Variants in ASPH observed in about 807,000 individuals in gnomAD.
The protein encoded by ASPH is aspartate beta-hydroxylase.
A neutral mutation model predicts 118.4 loss-of-function variants in ASPH; 100 were observed. That is an observed-to-expected ratio of 0.84 (90% confidence interval 0.72 to 1.00). ASPH has a LOEUF of 1.00. Ranked by LOEUF, ASPH falls within the 50% of genes least tolerant of loss-of-function variation. ASPH has a pLI of 0.00. For synonymous variants in ASPH, 315 were observed against 325.6 expected (o/e 0.97, Z 0.35); for missense variants, 920 against 919.5 (o/e 1.00, Z -0.01).
intron 13 of ASPH, chr8:61,632,078 G>T (rs1390535532): frequency 6.6e-6 from 1 of 152,100 alleles, no homozygotes; most frequent in Non-Finnish European, 1.5e-5. Context: ...AATAGTCATA[G>T]CCAAAACTTA....
intron 13 of ASPH, among the ~76,000 whole-genome samples, chr8:61,621,771 A>G (rs891621423): frequency 6.6e-6 from 1 of 152,266 alleles, no homozygotes; most frequent in African/African-American, 2.4e-5. Flanking sequence ...CACACTCTAT[A>G]TCCCAGTAAT....
intron 24 of ASPH, among the ~76,000 whole-genome samples, chr8:61,512,833 A>T (rs1212445393): frequency 6.6e-6 from 1 of 152,232 alleles, no homozygotes; most frequent in Non-Finnish European, 1.5e-5. Context: ...TCATCAATAC[A>T]CATATATAGA....
intron 13 of ASPH, chr8:61,626,189 T>C (rs1373584716): frequency 1.4e-6 from 2 of 1,406,820 alleles, no homozygotes; most frequent in Non-Finnish European, 1.9e-6. Flanking sequence ...CAGTAATTGC[T>C]TCACAAGATC....
chr8:61,518,831 G>A (rs958784194), intron 22 of ASPH, among the ~76,000 whole-genome samples: 10 of 152,106 alleles, frequency 6.6e-5, no homozygotes, highest in East Asian at 5.8e-4. Flanking sequence ...TCTTGGCAGC[G>A]TGTCCATCAT....
intron 12 of ASPH, among the ~76,000 whole-genome samples, chr8:61,637,230 C>A (rs770106807): frequency 6.6e-5 from 10 of 152,080 alleles, no homozygotes; most frequent in Non-Finnish European, 1.2e-4. Context: ...CACGCAGAGT[C>A]ACCCACAGGT....
chr8:61,652,586 C>A (rs953493531), intron 4 of ASPH, among the ~76,000 whole-genome samples: 13 of 152,082 alleles, frequency 8.5e-5, no homozygotes, highest in Admixed American at 7.2e-4. Flanking sequence ...CTTTCAAAAT[C>A]GTGGCTGTTG....
chr8:61,692,737 G>C (rs976926272), intron 1 of ASPH, among the ~76,000 whole-genome samples: 2 of 152,046 alleles, frequency 1.3e-5, no homozygotes, highest in African/African-American at 4.8e-5. Flanking sequence ...ACATGATGCC[G>C]ACCTTAACCC....
chr8:61,602,372 A>G (rs1253622891), intron 14 of ASPH, among the ~76,000 whole-genome samples: 1 of 151,514 alleles, frequency 6.6e-6, no homozygotes, highest in East Asian at 1.9e-4. Flanking sequence ...TCATTAGACA[A>G]TAGAACAGCC....
At chr8:61,564,155 T>C (rs1481706923) in intron 17 of ASPH, among the ~76,000 whole-genome samples, 2 of 152,000 alleles carry the variant, frequency 1.3e-5, no homozygotes, top group Non-Finnish European at 2.9e-5. Context: ...GCTAGTTTAA[T>C]GCATCCTTTT....
intron 14 of ASPH, among the ~76,000 whole-genome samples, chr8:61,600,723 A>G (rs1843737426): frequency 6.6e-6 from 1 of 151,538 alleles, no homozygotes. Context: ...AACATACAGC[A>G]AGATAATAGA....
Position 61,642,900 on chromosome 8 carries a change from A to G in ASPH, c.778T>C (p.Tyr260His). 1 of 1,557,576 alleles carries G rather than the reference A, an allele frequency of 6.4e-7. No individual in the cohort carries two copies. The highest frequency in any genetic ancestry group is 8.6e-7 in the Non-Finnish European group (1 of 1,160,714). The change falls in exon 10 of 25, where the codon TAT (tyrosine) becomes CAT (histidine). Residue 260 changes from tyrosine to histidine, a missense_variant. Tyr to His is a moderately conservative substitution (Grantham distance 83, BLOSUM62 2). Transcript: ENST00000379454. ...HDTDDVTYQVYEEQAVYEPLE... is the reference protein window; with the variant it reads ...HDTDDVTYQVHEEQAVYEPLE... ...AGCATTTGCAAACCTTGTTCCTCAT[A>G]GACTTGGTATGTTACATCATCTGAA...
chr8:61,600,322 G>T (rs1475959099), intron 14 of ASPH, among the ~76,000 whole-genome samples: 1 of 147,550 alleles, frequency 6.8e-6, no homozygotes, highest in Non-Finnish European at 1.5e-5. Context: ...ACTGAAATAA[G>T]AAAAAGGTGT....
At chr8:61,634,765 A>T (rs1857027833) in intron 12 of ASPH, among the ~76,000 whole-genome samples, 1 of 152,128 alleles carries the variant, frequency 6.6e-6, no homozygotes, top group South Asian at 2.1e-4. Context: ...TTTTTCTCAG[A>T]ATTTCTTTTA....
chr8:61,615,121 C>G (rs573783794), intron 14 of ASPH, among the ~76,000 whole-genome samples: 1 of 152,124 alleles, frequency 6.6e-6, no homozygotes, highest in Non-Finnish European at 1.5e-5. Context: ...TGATTTGAAC[C>G]CTTGACCACT....
intron 21 of ASPH, among the ~76,000 whole-genome samples, chr8:61,546,708 T>C (rs2130830057): frequency 6.6e-6 from 1 of 152,350 alleles, no homozygotes; most frequent in Admixed American, 6.5e-5. Context: ...CACAGTCAAG[T>C]AAGACATAAT....
intron 1 of ASPH, among the ~76,000 whole-genome samples, chr8:61,690,825 T>G (rs1779043825): frequency 6.6e-6 from 1 of 152,112 alleles, no homozygotes; most frequent in Admixed American, 6.5e-5. Flanking sequence ...AAAATGAAAT[T>G]CTTGTTAAAA....
intron 16 of ASPH, among the ~76,000 whole-genome samples, chr8:61,573,682 C>A (rs997733286): frequency 6.6e-6 from 1 of 152,038 alleles, no homozygotes; most frequent in Admixed American, 6.6e-5. Flanking sequence ...TGAAACTGGA[C>A]CCTTTCCTTA....
chr8:61,541,861 A>G (rs1258358567), intron 21 of ASPH, among the ~76,000 whole-genome samples: 1 of 152,208 alleles, frequency 6.6e-6, no homozygotes, highest in African/African-American at 2.4e-5. Context: ...GGCAGGGCTG[A>G]AAGAAAAAAG....
chr8:61,543,344 C>T (rs1475932668), intron 21 of ASPH, among the ~76,000 whole-genome samples: 1 of 152,142 alleles, frequency 6.6e-6, no homozygotes, highest in Non-Finnish European at 1.5e-5. Context: ...CTTAAAGAAC[C>T]TATTTCCAAA....
Sources: gnomAD v4.1 joint callset for allele counts (sites outside exome capture counted in the v4.1 genomes callset) on GRCh38, gnomAD v4.1.1 for gene constraint, MANE v1.5 for transcripts, NCBI Gene and HGNC (gene_info 2026-07-23, HGNC 2026-07-21) for gene names.